The following ATP8A1 variants were observed in gnomAD, a reference collection of about 807,000 sequenced individuals.
ATP8A1 encodes the protein ATPase phospholipid transporting 8A1.
A neutral mutation model predicts 177.7 loss-of-function variants in ATP8A1; 90 were observed. That is an observed-to-expected ratio of 0.51 (90% CI 0.43 to 0.60). The LOEUF is 0.60. ATP8A1 is among the 20% of genes least tolerant of loss of function. ATP8A1 has a pLI of 0.00. For missense variants in ATP8A1, 1,072 were observed against 1,392.8 expected, an observed-to-expected ratio of 0.77 and a Z score of 3.67; for synonymous variants, 493 against 485.9, an observed-to-expected ratio of 1.01 and a Z score of -0.19.
chr4:42,425,494 A>G (rs2153168623), intron 33 of ATP8A1, among the ~76,000 whole-genome samples: 1 of 152,304 alleles, frequency 6.6e-6, no homozygotes, highest in Admixed American at 6.5e-5. Context: ...GAGTTAATCC[A>G]AACCTAAAAG....
intron 19 of ATP8A1, among the ~76,000 whole-genome samples, chr4:42,546,937 G>C (rs1009652517): frequency 1.3e-5 from 2 of 152,034 alleles, no homozygotes; most frequent in African/African-American, 4.8e-5. Context: ...TTACCCTCAT[G>C]GCTTAATCTT....
chr4:42,530,922 G>A (rs899600430), intron 20 of ATP8A1, among the ~76,000 whole-genome samples: 25 of 152,314 alleles, frequency 1.6e-4, no homozygotes, highest in African/African-American at 5.1e-4. Context: ...GCGACATTAT[G>A]TTCTGCTGGC....
In ATP8A1 at chr4:42,524,825, A is replaced by G. The variant is rs1350793124; in HGVS notation, c.1745T>C (p.Leu582Pro). ...KGADTVIYDR[L>P]AETSKYKEIT... ...TTCTTTGTATTTTGACGTCTCTGCC[A>G]GTCGATCATAAATTACAGTGTCCTG... Residue 582 changes from leucine to proline, a missense_variant, in exon 21 of 37, where the codon CTG becomes CCG. By Grantham distance (98) the Leu-to-Pro change is moderately conservative. Around this residue, in one of 5 missense-constraint regions of ATP8A1, gnomAD observed 388 missense variants for 471.7 expected, o/e 0.82. Transcript: ENST00000381668. 1 of 1,609,300 alleles carries G rather than the reference A, an allele frequency of 6.2e-7. No homozygotes were observed. Among genetic ancestry groups the G allele is most frequent in the Non-Finnish European group, 8.5e-7 (1 of 1,177,964 alleles).
In ATP8A1 at chr4:42,590,849, C is replaced by T; in HGVS notation, c.486G>A (p.Gly162=). 6.2e-7 allele frequency: 1 copy of T among 1,613,570 alleles called. No individual in the cohort carries two copies. Among genetic ancestry groups the T allele is most frequent in the African/African-American group, 1.3e-5 (1 of 74,872 alleles). Residue 162 remains glycine (G), a synonymous_variant, in exon 7 of 37, where the codon GGG becomes GGA. Coordinates refer to ENST00000381668, the MANE Select transcript of ATP8A1 (RefSeq NM_006095.2). ...AVGEIVKVTN[G]EHLPADLISL... is the part of the protein sequence containing the mutation. ...TGATGAGATCTGCTGGGAGATGTTC[C>T]CCATTGGTCACTTTCACTATCTCCC...
At position 42,655,513 on chromosome 4, in the gene ATP8A1, T is replaced by TA. The variant is rs201206974; in HGVS notation, c.49+1311dup. Among the ~76,000 whole-genome samples, 629 of 152,118 alleles carry TA rather than the reference T, an allele frequency of 4.1e-3. 2 individuals carry two copies. Among genetic ancestry groups the TA allele is most frequent in the Non-Finnish European group, 6.4e-3 (437 of 67,986 alleles). On this transcript the variant is annotated intron_variant, in intron 1 of 36. Coordinates refer to ENST00000381668, the MANE Select transcript of ATP8A1 (RefSeq NM_006095.2). ...CTATGACTAATTTCACTCAGAAGTG[T>TA]AAAAAAAATGAATTTTTACAGTGTG...
intron 1 of ATP8A1, among the ~76,000 whole-genome samples, chr4:42,654,746 T>G (rs1375680091): frequency 6.6e-6 from 1 of 152,178 alleles, no homozygotes; most frequent in Non-Finnish European, 1.5e-5. Context: ...TACAAGTGTC[T>G]GAGTCACATA....
rs1324996462 is a variant in ATP8A1 at position 42,579,718 on chromosome 4, T to C, written c.1000+95A>G. The stretch of plus-strand genomic sequence containing the variant: ...CCAGCTATCTTGGCAACAAGGTCTT[T>C]TTAGAAACAATACGAAATAAAGTAA... On this transcript the variant is annotated intron_variant, in intron 11 of 36. Transcript: ENST00000381668. The C allele has an allele frequency of 2.4e-5, 28 of 1,175,680 alleles. No individual in the cohort carries two copies. In the South Asian group the frequency reaches 3.9e-4, roughly 16 times the overall value. 72.8% of individuals were successfully genotyped at this position (1,175,680 alleles called of 1,614,324 possible).
intron 22 of ATP8A1, among the ~76,000 whole-genome samples, chr4:42,509,354 T>C (rs930692808): frequency 2.6e-5 from 4 of 152,226 alleles, no homozygotes; most frequent in East Asian, 1.9e-4. Flanking sequence ...CCAGGCTCCA[T>C]AGTAGAGCTG....
intron 20 of ATP8A1, among the ~76,000 whole-genome samples, chr4:42,541,719 C>T (rs1728406144): frequency 6.6e-6 from 1 of 152,124 alleles, no homozygotes; most frequent in South Asian, 2.1e-4. Flanking sequence ...CATGAAAAGA[C>T]ATGGAGGAAC....
intron 1 of ATP8A1, among the ~76,000 whole-genome samples, chr4:42,643,069 G>A (rs771799403): frequency 1.3e-5 from 2 of 152,132 alleles, no homozygotes; most frequent in East Asian, 1.9e-4. Context: ...CCAAAAGAAC[G>A]CAGTGATCAC....
intron 21 of ATP8A1, 30 bp from the exon 22 acceptor site, chr4:42,522,329 A>G (rs779364119): frequency 1.2e-6 from 2 of 1,600,610 alleles, no homozygotes; most frequent in South Asian, 2.3e-5. Context: ...TCACCCCAAC[A>G]CACCAAAGAT....
At chr4:42,637,060 C>T (rs1039945169) in intron 1 of ATP8A1, 1 of 503,290 alleles carries the variant, frequency 2.0e-6, no homozygotes, top group Middle Eastern at 3.4e-4. Context: ...CCTGTCCCAA[C>T]ACCCATCTAA....
chr4:42,613,258 T>C (rs1198382065), intron 5 of ATP8A1, among the ~76,000 whole-genome samples: 1 of 152,192 alleles, frequency 6.6e-6, no homozygotes, highest in Admixed American at 6.5e-5. Flanking sequence ...TACTATTCTC[T>C]TAGGAAACAA....
chr4:42,412,927 C>T lies in ATP8A1; in HGVS notation c.3484G>A (p.Asp1162Asn), dbSNP rs111660456. 5.6e-6 allele frequency: 9 copies of T among 1,613,354 alleles called. No individual in the cohort carries two copies. Among genetic ancestry groups the T allele is most frequent in the African/African-American group, 2.7e-5 (2 of 75,000 alleles). The change falls in exon 37 of 37, where the codon GAC (aspartate) becomes AAC (asparagine). Residue 1162 changes from aspartate to asparagine, a missense_variant. This residue lies in a region of ATP8A1 where 316 missense variants were observed against 459.1 expected (regional missense o/e 0.69). Transcript: ENST00000381668. Reference protein sequence around the residue: ...RAYDTTKQRPDEW With the variant: ...RAYDTTKQRPNEW ...TCAGGCTCTCCCCATCACCATTCGTCGGGCCTCTGTTTCGTGGTATCATAT... is the reference window on the plus strand; with the variant it reads ...TCAGGCTCTCCCCATCACCATTCGTTGGGCCTCTGTTTCGTGGTATCATAT...
chr4:42,587,903 C>T (rs942745479), intron 8 of ATP8A1, among the ~76,000 whole-genome samples: 2 of 152,172 alleles, frequency 1.3e-5, no homozygotes, highest in Admixed American at 6.5e-5. Flanking sequence ...CCACCGCGCC[C>T]GGCCCTTGTA....
At chr4:42,435,452 AAAAAAAAAAAAC>A in intron 33 of ATP8A1, among the ~76,000 whole-genome samples, 5 of 70,490 alleles carry the variant, frequency 7.1e-5, no homozygotes, top group African/African-American at 2.6e-4. Context: ...AAAAAAAACA[AAAAAAAAAAAAC>A]AAACTATCTC....
intron 29 of ATP8A1, among the ~76,000 whole-genome samples, chr4:42,453,649 T>C (rs945661308): frequency 3.9e-5 from 6 of 152,188 alleles, no homozygotes; most frequent in East Asian, 1.9e-4. Flanking sequence ...GCAGGAATGA[T>C]TTGGGGTAAT....
chr4:42,467,320 A>T (rs1427726785), intron 25 of ATP8A1, among the ~76,000 whole-genome samples: 1 of 152,182 alleles, frequency 6.6e-6, no homozygotes, highest in Non-Finnish European at 1.5e-5. Flanking sequence ...GAAAAAAGAA[A>T]ATGATATAGT....
chr4:42,548,753 ACCT>A (rs1350630892), intron 19 of ATP8A1, among the ~76,000 whole-genome samples: 2 of 151,916 alleles, frequency 1.3e-5, no homozygotes, highest in Admixed American at 6.6e-5. Context: ...TCTACTCTTT[ACCT>A]CCATGAGATC....
Sources: allele counts gnomAD v4.1 joint callset (sites outside exome capture counted in the v4.1 genomes callset), GRCh38; gene constraint gnomAD v4.1.1; regional missense constraint gnomAD v4.1.1; transcripts MANE v1.5; gene names NCBI Gene and HGNC (gene_info 2026-07-23, HGNC 2026-07-21).